MACROD2: variants seen among roughly 807,000 people sequenced by gnomAD.
MACROD2 encodes the protein ADP-ribose glycohydrolase MACROD2.
In MACROD2, 36 loss-of-function variants were observed where a neutral mutation model predicts 70.4. That is an observed-to-expected ratio of 0.51 (90% CI 0.39 to 0.68). The LOEUF is 0.68. Ranked by LOEUF, MACROD2 falls within the 30% of genes least tolerant of loss-of-function variation. The pLI is 0.00. For synonymous variants in MACROD2, 172 were observed against 178.8 expected (o/e 0.96, Z 0.30); for missense variants, 496 against 538.4 (o/e 0.92, Z 0.78).
chr20:15,881,516 A>G (rs1018933370), intron 9 of MACROD2, among the ~76,000 whole-genome samples: 21 of 152,148 alleles, frequency 1.4e-4, no homozygotes, highest in African/African-American at 4.1e-4. Context: ...CCAGAATGCA[A>G]AAGTCTGAAA....
At chr20:15,355,175 T>A (rs555389546) in intron 6 of MACROD2, among the ~76,000 whole-genome samples, 1 of 152,310 alleles carries the variant, frequency 6.6e-6, no homozygotes, top group South Asian at 2.1e-4. Flanking sequence ...GGCTCAGTCA[T>A]CCGCAAGACT....
intron 5 of MACROD2, among the ~76,000 whole-genome samples, chr20:15,176,478 C>G (rs1472470014): frequency 6.6e-6 from 1 of 152,174 alleles, no homozygotes; most frequent in Non-Finnish European, 1.5e-5. Flanking sequence ...ACCCCAGACT[C>G]AGCCAGACTT....
At chr20:14,686,821 C>T (rs964714397) in intron 5 of MACROD2, among the ~76,000 whole-genome samples, 5 of 152,114 alleles carry the variant, frequency 3.3e-5, no homozygotes, top group African/African-American at 1.2e-4. Context: ...TTAATTTTTC[C>T]TTTAATGATT....
intron 8 of MACROD2, among the ~76,000 whole-genome samples, chr20:15,839,218 T>G (rs538866975): frequency 6.6e-6 from 1 of 152,110 alleles, no homozygotes; most frequent in Non-Finnish European, 1.5e-5. Flanking sequence ...AGAGGAAATA[T>G]AGCATTACAC....
chr20:15,888,956 A>G (rs1277489237), intron 10 of MACROD2, among the ~76,000 whole-genome samples: 1 of 152,116 alleles, frequency 6.6e-6, no homozygotes, highest in Non-Finnish European at 1.5e-5. Flanking sequence ...CCCTGCATCA[A>G]TTCTTCTCAT....
At chr20:15,519,171 C>T (rs1256903631) in intron 8 of MACROD2, among the ~76,000 whole-genome samples, 1 of 151,540 alleles carries the variant, frequency 6.6e-6, no homozygotes, top group Non-Finnish European at 1.5e-5. Context: ...AGTGCAGTGG[C>T]ACGACCTCGG....
At chr20:14,164,455 G>T (rs1230015023) in intron 3 of MACROD2, among the ~76,000 whole-genome samples, 1 of 152,180 alleles carries the variant, frequency 6.6e-6, no homozygotes, top group Non-Finnish European at 1.5e-5. Context: ...GCCAGGAATG[G>T]CAGTGTGGGT....
intron 2 of MACROD2, among the ~76,000 whole-genome samples, chr20:14,059,662 T>G (rs1042393103): frequency 6.6e-6 from 1 of 152,124 alleles, no homozygotes; most frequent in Non-Finnish European, 1.5e-5. Context: ...GAGGTTTCAT[T>G]TTTTGGAAGA....
At chr20:14,924,273 T>C (rs1410849323) in intron 5 of MACROD2, among the ~76,000 whole-genome samples, 1 of 151,916 alleles carries the variant, frequency 6.6e-6, no homozygotes, top group Non-Finnish European at 1.5e-5. Context: ...ACATTGTCTC[T>C]ACTAAAAATA....
At chr20:14,457,265 A>G (rs920384658) in intron 3 of MACROD2, among the ~76,000 whole-genome samples, 2 of 151,980 alleles carry the variant, frequency 1.3e-5, no homozygotes, top group Admixed American at 1.3e-4. Context: ...ATTAGTTTTG[A>G]TTCTGAATGA....
At chr20:14,308,410 A>G (rs2082538269) in intron 3 of MACROD2, among the ~76,000 whole-genome samples, 1 of 152,102 alleles carries the variant, frequency 6.6e-6, no homozygotes, top group Non-Finnish European at 1.5e-5. Context: ...CTTTGTCCAG[A>G]TCATTTTATT....
At chr20:15,569,152 T>C (rs1401158610) in intron 8 of MACROD2, among the ~76,000 whole-genome samples, 3 of 152,190 alleles carry the variant, frequency 2.0e-5, no homozygotes, top group African/African-American at 7.2e-5. Context: ...CAGTTTCACA[T>C]TGGTTGATCA....
chr20:14,213,281 G>GT (rs1178835871), intron 3 of MACROD2, among the ~76,000 whole-genome samples: 1 of 132,106 alleles, frequency 7.6e-6, no homozygotes, highest in East Asian at 2.5e-4. Context: ...AAATGGTAAG[G>GT]TTAGTGTGAA....
At chr20:14,227,485 C>T (rs1184968185) in intron 3 of MACROD2, among the ~76,000 whole-genome samples, 4 of 151,834 alleles carry the variant, frequency 2.6e-5, no homozygotes, top group Non-Finnish European at 4.4e-5. Context: ...CCAGATGCGC[C>T]GCCTTAAGAG....
At chr20:14,313,930 T>C (rs73266939) in intron 3 of MACROD2, among the ~76,000 whole-genome samples, 3,094 of 152,280 alleles carry the variant, frequency 0.02, 98 homozygotes, top group African/African-American at 0.072. Flanking sequence ...GCCTGAGACA[T>C]GTACCTGGCT....
At chr20:15,339,528 A>G (rs2078084905) in intron 6 of MACROD2, among the ~76,000 whole-genome samples, 1 of 151,806 alleles carries the variant, frequency 6.6e-6, no homozygotes, top group South Asian at 2.1e-4. Flanking sequence ...GACGCCCAGC[A>G]TGATTGGGGA....
intron 7 of MACROD2, among the ~76,000 whole-genome samples, chr20:15,463,282 T>A (rs1228625869): frequency 6.6e-6 from 1 of 151,962 alleles, no homozygotes; most frequent in Admixed American, 6.6e-5. Flanking sequence ...GAGCAAAGAG[T>A]ACTGTCATTA....
intron 4 of MACROD2, chr20:14,554,497 C>T (rs1978891287): frequency 6.6e-6 from 1 of 152,074 alleles, no homozygotes; most frequent in African/African-American, 2.4e-5. Flanking sequence ...ATTTGATAAA[C>T]TGGAATCATT....
At chr20:14,551,219 A>G (rs2123261284) in intron 4 of MACROD2, among the ~76,000 whole-genome samples, 1 of 152,308 alleles carries the variant, frequency 6.6e-6, no homozygotes, top group South Asian at 2.1e-4. Flanking sequence ...AATTGGATCC[A>G]AAATGTAATG....
Sources: gnomAD v4.1 joint callset for allele counts (sites outside exome capture counted in the v4.1 genomes callset) on GRCh38, gnomAD v4.1.1 for gene constraint, MANE v1.5 for transcripts, NCBI Gene and HGNC (gene_info 2026-07-23, HGNC 2026-07-21) for gene names.